The following PPARGC1A variants were observed in gnomAD, a reference collection of about 807,000 sequenced individuals.
PPARGC1A encodes PPARG coactivator 1 alpha.
In PPARGC1A, 25 loss-of-function variants were observed where a neutral mutation model predicts 88.7. The ratio of observed to expected loss-of-function variants is 0.28; its 90% CI spans 0.21 to 0.39. The LOEUF (loss-of-function observed/expected upper bound fraction) is 0.39, where lower values mean the gene tolerates loss of function less well. PPARGC1A is among the 10% of genes least tolerant of loss of function. The probability of loss-of-function intolerance (pLI) is 1.00; values close to 1 mark genes in which losing one functional copy is unlikely to be tolerated. For synonymous variants in PPARGC1A, 363 were observed against 355.6 expected, an observed-to-expected ratio of 1.02 and a Z score of -0.24; for missense variants, 880 against 968.7, an observed-to-expected ratio of 0.91 and a Z score of 1.22.
chr4:24,289,134 C>T, the PPARGC1A span, among the ~76,000 whole-genome samples: 2 of 147,684 alleles, frequency 1.4e-5, no homozygotes, highest in South Asian at 2.1e-4. Context: ...GCAGAAGAAT[C>T]GCTTGAACCC....
chr4:24,335,665 T>C, the PPARGC1A span, among the ~76,000 whole-genome samples: 1 of 152,054 alleles, frequency 6.6e-6, no homozygotes, highest in Non-Finnish European at 1.5e-5. Flanking sequence ...AGCGCGAGGG[T>C]ACGTTACAGA....
the PPARGC1A span, among the ~76,000 whole-genome samples, chr4:24,458,237 C>T: frequency 1.3e-5 from 2 of 152,178 alleles, no homozygotes; most frequent in African/African-American, 4.8e-5. Flanking sequence ...TAGTGGCTCA[C>T]ATCTGTAATC....
the PPARGC1A span, among the ~76,000 whole-genome samples, chr4:24,052,443 C>G: frequency 6.6e-6 from 1 of 152,018 alleles, no homozygotes; most frequent in Non-Finnish European, 1.5e-5. Flanking sequence ...TTGAGACCAG[C>G]CTGGCCAACA....
At chr4:23,976,038 T>A in the PPARGC1A span, among the ~76,000 whole-genome samples, 1 of 152,190 alleles carries the variant, frequency 6.6e-6, no homozygotes, top group East Asian at 1.9e-4. Context: ...ACAATAATGA[T>A]AGTCCTTTAT....
At chr4:23,906,925 A>G (rs1720115945), upstream of PPARGC1A, among the ~76,000 whole-genome samples, 1 of 152,186 alleles carries the variant, frequency 6.6e-6, no homozygotes, top group Admixed American at 6.5e-5. Context: ...AAACTCCACT[A>G]AATTTATTTC....
the PPARGC1A span, among the ~76,000 whole-genome samples, chr4:24,126,177 A>T: frequency 6.6e-6 from 1 of 151,968 alleles, no homozygotes; most frequent in Non-Finnish European, 1.5e-5. Flanking sequence ...GTAGATGCCA[A>T]ACGCGCATTA....
chr4:24,040,978 G>A, the PPARGC1A span, among the ~76,000 whole-genome samples: 2 of 152,210 alleles, frequency 1.3e-5, no homozygotes, highest in African/African-American at 4.8e-5. Context: ...AGTCTAGGAT[G>A]TGACTATTTC....
the PPARGC1A span, among the ~76,000 whole-genome samples, chr4:24,235,997 G>A: frequency 6.6e-6 from 1 of 152,298 alleles, no homozygotes; most frequent in East Asian, 1.9e-4. Flanking sequence ...CCCACCACTA[G>A]CAATTAAGTT....
At chr4:24,281,164 G>A in the PPARGC1A span, among the ~76,000 whole-genome samples, 5 of 152,278 alleles carry the variant, frequency 3.3e-5, no homozygotes, top group East Asian at 1.9e-4. Flanking sequence ...CTGGCTTCTC[G>A]TGACTTCAGC....
At chr4:24,073,261 C>T in the PPARGC1A span, among the ~76,000 whole-genome samples, 2 of 152,108 alleles carry the variant, frequency 1.3e-5, no homozygotes, top group Non-Finnish European at 2.9e-5. Flanking sequence ...CCAGGATGGT[C>T]TCCATCTCCT....
the PPARGC1A span, among the ~76,000 whole-genome samples, chr4:24,465,741 T>C: frequency 1.3e-5 from 2 of 152,208 alleles, no homozygotes; most frequent in Non-Finnish European, 1.5e-5. Context: ...TTTTGGAAGA[T>C]CACAAAATAA....
At chr4:24,162,598 T>TC in the PPARGC1A span, among the ~76,000 whole-genome samples, 1 of 151,394 alleles carries the variant, frequency 6.6e-6, no homozygotes, top group East Asian at 1.9e-4. Context: ...TTCCTTTTTT[T>TC]TTTTTTTTTT....
At chr4:24,256,680 T>C in the PPARGC1A span, among the ~76,000 whole-genome samples, 1 of 152,160 alleles carries the variant, frequency 6.6e-6, no homozygotes, top group African/African-American at 2.4e-5. Context: ...GATTGTATTA[T>C]TAACCAAAAC....
At chr4:24,301,607 T>G in the PPARGC1A span, among the ~76,000 whole-genome samples, 1 of 141,892 alleles carries the variant, frequency 7.0e-6, no homozygotes, top group African/African-American at 2.9e-5. Context: ...CCCACACCTA[T>G]TGCCAAAAAA....
the PPARGC1A span, among the ~76,000 whole-genome samples, chr4:24,422,196 G>A: frequency 6.6e-6 from 1 of 152,192 alleles, no homozygotes; most frequent in African/African-American, 2.4e-5. Flanking sequence ...CCACAGCAGA[G>A]CATACAGCAG....
the PPARGC1A span, among the ~76,000 whole-genome samples, chr4:24,313,685 T>C: frequency 6.6e-6 from 1 of 152,214 alleles, no homozygotes; most frequent in African/African-American, 2.4e-5. Context: ...AATTCTCATA[T>C]ACTGCTAGCA....
the PPARGC1A span, among the ~76,000 whole-genome samples, chr4:24,270,752 C>A: frequency 1.3e-5 from 2 of 152,112 alleles, no homozygotes; most frequent in African/African-American, 2.4e-5. Context: ...TTTGGTCAAA[C>A]GATGGTTTAG....
chr4:24,402,213 C>T, the PPARGC1A span, among the ~76,000 whole-genome samples: 3 of 152,162 alleles, frequency 2.0e-5, no homozygotes, highest in East Asian at 1.9e-4. Context: ...TGCAGAATGG[C>T]GGACGTGGAC....
chr4:24,066,855 T>TTG, the PPARGC1A span, among the ~76,000 whole-genome samples: 2 of 83,534 alleles, frequency 2.4e-5, no homozygotes, highest in Admixed American at 1.6e-4. Flanking sequence ...TTGGGTTTTT[T>TTG]TTTTTTTTTT....
Sources: gnomAD v4.1 joint callset for allele counts (sites outside exome capture counted in the v4.1 genomes callset) on GRCh38, gnomAD v4.1.1 for gene constraint, MANE v1.5 for transcripts, NCBI Gene and HGNC (gene_info 2026-07-23, HGNC 2026-07-21) for gene names.